LSAMP: variants seen among roughly 807,000 people sequenced by gnomAD.
The protein encoded by LSAMP is limbic system-associated membrane protein.
In LSAMP, 7 loss-of-function variants were observed where a neutral mutation model predicts 38.6. That is an observed-to-expected ratio of 0.18 (90% confidence interval 0.10 to 0.34). The LOEUF is 0.34. Ranked by LOEUF, LSAMP falls within the 10% of genes least tolerant of loss-of-function variation. LSAMP has a pLI of 1.00. For missense variants in LSAMP, 313 were observed against 420.0 expected, an observed-to-expected ratio of 0.75 and a Z score of 2.23; for synonymous variants, 154 against 166.8, an observed-to-expected ratio of 0.92 and a Z score of 0.59.
At chr3:115,929,470 T>A (rs918437246) in intron 3 of LSAMP, among the ~76,000 whole-genome samples, 3 of 151,998 alleles carry the variant, frequency 2.0e-5, no homozygotes, top group African/African-American at 7.2e-5. Flanking sequence ...ATAAAAAAAA[T>A]TCCCTTCTTT....
intron 1 of LSAMP, among the ~76,000 whole-genome samples, chr3:116,309,019 C>T (rs889329088): frequency 5.7e-4 from 87 of 151,994 alleles, no homozygotes; most frequent in Admixed American, 5.6e-3. Flanking sequence ...CATTCTACAG[C>T]AAGGCAGTTG....
intron 6 of LSAMP, among the ~76,000 whole-genome samples, chr3:115,815,113 A>C (rs1933973496): frequency 6.6e-6 from 1 of 152,176 alleles, no homozygotes; most frequent in Admixed American, 6.5e-5. Flanking sequence ...CACTTACCTG[A>C]GGTACATACA....
At chr3:115,888,964 G>A (rs868279669) in intron 3 of LSAMP, among the ~76,000 whole-genome samples, 1 of 151,892 alleles carries the variant, frequency 6.6e-6, no homozygotes, top group African/African-American at 2.4e-5. Flanking sequence ...CTCAGGGGTA[G>A]GCTCTTTCTT....
chr3:116,408,629 G>T (rs980178724), intron 1 of LSAMP, among the ~76,000 whole-genome samples: 1 of 152,080 alleles, frequency 6.6e-6, no homozygotes, highest in African/African-American at 2.4e-5. Context: ...CACCGTGCAT[G>T]ATAGATACTA....
At chr3:116,200,914 C>G (rs1383311842) in intron 1 of LSAMP, among the ~76,000 whole-genome samples, 1 of 152,168 alleles carries the variant, frequency 6.6e-6, no homozygotes, top group African/African-American at 2.4e-5. Context: ...AAGCTCCCAC[C>G]ACCTTGTCAA....
chr3:116,131,454 T>G (rs1399593995), intron 1 of LSAMP, among the ~76,000 whole-genome samples: 1 of 152,086 alleles, frequency 6.6e-6, no homozygotes, highest in Non-Finnish European at 1.5e-5. Flanking sequence ...TGAGATGGTT[T>G]GAGACTTTTA....
chr3:116,290,661 C>T (rs1242924153), intron 1 of LSAMP, among the ~76,000 whole-genome samples: 2 of 151,116 alleles, frequency 1.3e-5, no homozygotes, highest in African/African-American at 4.9e-5. Context: ...ACCTGCGAGG[C>T]GGAGGTTGCA....
intron 6 of LSAMP, among the ~76,000 whole-genome samples, chr3:115,823,363 G>A (rs1341029074): frequency 6.6e-6 from 1 of 152,196 alleles, no homozygotes; most frequent in African/African-American, 2.4e-5. Context: ...AACCTTGAAC[G>A]AATAACAGAA....
chr3:115,911,073 G>A (rs2107504607), intron 3 of LSAMP, among the ~76,000 whole-genome samples: 1 of 152,260 alleles, frequency 6.6e-6, no homozygotes, highest in South Asian at 2.1e-4. Flanking sequence ...AATATCACAT[G>A]TATCCCATAA....
intron 2 of LSAMP, among the ~76,000 whole-genome samples, chr3:116,054,541 T>C (rs1043999071): frequency 2.0e-5 from 3 of 152,162 alleles, no homozygotes; most frequent in Non-Finnish European, 4.4e-5. Context: ...GTCCTATTCA[T>C]GGTCTCTCAC....
chr3:116,099,530 C>G (rs1295030308), intron 1 of LSAMP, among the ~76,000 whole-genome samples: 1 of 152,154 alleles, frequency 6.6e-6, no homozygotes, highest in Non-Finnish European at 1.5e-5. Context: ...ACCTGACTAC[C>G]AGCAGGAATT....
intron 1 of LSAMP, among the ~76,000 whole-genome samples, chr3:116,435,175 T>A (rs1407482438): frequency 6.6e-6 from 1 of 152,202 alleles, no homozygotes; most frequent in East Asian, 1.9e-4. Flanking sequence ...CTTCAAGTCA[T>A]CCCTGGGTTA....
rs11285855 is a variant in LSAMP, at chr3:116,227,614, A to AT, written c.156-141059dup. 5.7e-3 allele frequency among the ~76,000 whole-genome samples: 859 copies of AT among 150,132 alleles called. 7 individuals carry two copies. The highest frequency in any genetic ancestry group is 0.018 in the African/African-American group (755 of 40,900). On this transcript the variant is annotated intron_variant, in intron 1 of 6. Coordinates refer to ENST00000490035, the MANE Select transcript of LSAMP (RefSeq NM_002338.5). ...ATGTCTCCTTTTCTTACCCTTCTCCATTTTTTTTTATCTCTCCTCTTATTT... is the reference window on the plus strand; with the variant it reads ...ATGTCTCCTTTTCTTACCCTTCTCCATTTTTTTTTTATCTCTCCTCTTATTT...
At chr3:116,274,752 G>A (rs1432889599) in intron 1 of LSAMP, among the ~76,000 whole-genome samples, 1 of 151,176 alleles carries the variant, frequency 6.6e-6, no homozygotes, top group East Asian at 1.9e-4. Context: ...CCAATCAAGG[G>A]CAATCTAGGC....
chr3:116,297,604 C>T (rs2047353289), intron 1 of LSAMP, among the ~76,000 whole-genome samples: 1 of 152,046 alleles, frequency 6.6e-6, no homozygotes, highest in Non-Finnish European at 1.5e-5. Context: ...ATATACCATC[C>T]TACATTTCAA....
At chr3:115,830,174 T>G (rs959053926) in intron 6 of LSAMP, among the ~76,000 whole-genome samples, 5 of 152,228 alleles carry the variant, frequency 3.3e-5, no homozygotes, top group Non-Finnish European at 5.9e-5. Flanking sequence ...TGAAATTAGA[T>G]GTACCGATGC....
intron 3 of LSAMP, among the ~76,000 whole-genome samples, chr3:115,927,730 G>A (rs1937519160): frequency 1.3e-5 from 2 of 151,940 alleles, no homozygotes; most frequent in South Asian, 2.1e-4. Flanking sequence ...GGCTGTACGT[G>A]CTGCCAGGAA....
chr3:116,278,221 G>GAAAT (rs933879312), intron 1 of LSAMP, among the ~76,000 whole-genome samples: 3 of 152,134 alleles, frequency 2.0e-5, no homozygotes, highest in African/African-American at 7.2e-5. Context: ...CCCGGAAGCT[G>GAAAT]AAATAAGCTT....
chr3:116,407,015 A>C (rs2048906083), intron 1 of LSAMP, among the ~76,000 whole-genome samples: 1 of 152,046 alleles, frequency 6.6e-6, no homozygotes, highest in Non-Finnish European at 1.5e-5. Flanking sequence ...CATCTGCTGC[A>C]AGAGTATGAA....
Sources: allele counts gnomAD v4.1 joint callset (sites outside exome capture counted in the v4.1 genomes callset), GRCh38; gene constraint gnomAD v4.1.1; transcripts MANE v1.5; gene names NCBI Gene and HGNC (gene_info 2026-07-23, HGNC 2026-07-21).